B4GALT6: variants seen among roughly 807,000 people sequenced by gnomAD.
The protein encoded by B4GALT6 is beta-1,4-galactosyltransferase 6.
In B4GALT6, 14 loss-of-function variants were observed where a neutral mutation model predicts 46.3. The ratio of observed to expected loss-of-function variants is 0.30; its 90% confidence interval spans 0.20 to 0.47. B4GALT6 has a LOEUF of 0.47. Among genes scored for constraint, B4GALT6 ranks in the 20% least tolerant of loss-of-function variants. The pLI is 0.99. For synonymous variants in B4GALT6, 168 were observed against 162.0 expected (o/e 1.04, Z -0.28); for missense variants, 386 against 480.1 (o/e 0.80, Z 1.83).
At chr18:31,629,571 C>T (rs2073752293) in intron 6 of B4GALT6, among the ~76,000 whole-genome samples, 1 of 141,792 alleles carries the variant, frequency 7.1e-6, no homozygotes, top group Non-Finnish European at 1.5e-5. Flanking sequence ...AGATTGTTGC[C>T]GGGCACGGTG....
rs553240913 is a variant in B4GALT6 at position 31,636,360 on chromosome 18, T to C, written c.588+2284A>G. ...AAGCCATAGACTATATTTGCAAAAC[T>C]TATGTCTTACAAAAGACTTGTATTT... is the stretch of plus-strand genomic sequence containing the variant. On this transcript the variant is annotated intron_variant, in intron 5 of 8. Transcript: ENST00000306851. 3.4e-3 allele frequency among the ~76,000 whole-genome samples: 524 copies of C among 152,328 alleles called. 3 individuals carry two copies. Among genetic ancestry groups the C allele is most frequent in the African/African-American group, 0.012 (498 of 41,584 alleles).
chr18:31,658,323 G>GTTTTTTAATGAT, intron 2 of B4GALT6: 1 of 339,472 alleles, frequency 2.9e-6, no homozygotes, highest in Non-Finnish European at 5.4e-6. Flanking sequence ...CTTGCACACA[G>GTTTTTTAATGAT]ACATGGCAGT....
rs556180841 is a variant in B4GALT6, at chr18:31,640,377, C to T, written c.472-1617G>A. Reference sequence around the variant, plus strand: ...TATTTAACCATGTATTTTACGTTACCAGGATCATAGATGGCAGAAATTTTT... The same window carrying T: ...TATTTAACCATGTATTTTACGTTACTAGGATCATAGATGGCAGAAATTTTT... On this transcript the variant is annotated intron_variant, in intron 4 of 8. Transcript: ENST00000306851. Among the ~76,000 whole-genome samples, 11 of 152,092 alleles carry T rather than the reference C, an allele frequency of 7.2e-5. No homozygotes were observed. The South Asian group carries it at 2.1e-3, about 29-fold the overall frequency.
Position 31,666,288 on chromosome 18 carries a change from T to C in B4GALT6, c.200A>G (p.Tyr67Cys). 1 of 1,607,848 alleles carries C rather than the reference T, an allele frequency of 6.2e-7. No individual in the cohort carries two copies. Among genetic ancestry groups the C allele is most frequent in the Non-Finnish European group, 8.5e-7 (1 of 1,176,472 alleles). The change falls in exon 2 of 9, where the codon TAC becomes TGC. Residue 67 changes from tyrosine (Y) to cysteine (C), a missense_variant. By Grantham distance (194) the Tyr-to-Cys change is radical (BLOSUM62 -2). Transcript: ENST00000306851. ...GTTGAGCGTACTGTTTTTATTTGTG[T>C]ACAGCCTGATCATATGACCTATTGT... ...VKTIGHMIRL[Y>C]TNKNSTLNGT...
At chr18:31,684,100 ACATGCATTAACAAAATG>A (rs1184024162) in intron 1 of B4GALT6, among the ~76,000 whole-genome samples, 195 bp downstream of exon 1, 1 of 152,234 alleles carries the variant, frequency 6.6e-6, no homozygotes, top group African/African-American at 2.4e-5. Flanking sequence ...TTATTAACAA[ACATGCATTAACAAAATG>A]CATGCATTAA....
chr18:31,692,328 C>T, the B4GALT6 span, among the ~76,000 whole-genome samples: 1 of 152,184 alleles, frequency 6.6e-6, no homozygotes, highest in Non-Finnish European at 1.5e-5. Context: ...CCACCAGCAG[C>T]ATTTAAAAGT....
chr18:31,670,742 T>C (rs1213487526), intron 1 of B4GALT6, among the ~76,000 whole-genome samples: 3 of 152,212 alleles, frequency 2.0e-5, no homozygotes, highest in East Asian at 1.9e-4. Context: ...TTAGTAGTAG[T>C]ATAAAATGTA....
intron 5 of B4GALT6, among the ~76,000 whole-genome samples, chr18:31,637,172 G>A (rs965357155): frequency 3.3e-5 from 5 of 152,222 alleles, no homozygotes; most frequent in Non-Finnish European, 7.3e-5. Context: ...CAAAAAGTAA[G>A]TCAAGGTCAT....
chr18:31,692,327 G>T, the B4GALT6 span, among the ~76,000 whole-genome samples: 1 of 152,172 alleles, frequency 6.6e-6, no homozygotes, highest in Non-Finnish European at 1.5e-5. Flanking sequence ...CCCACCAGCA[G>T]CATTTAAAAG....
At chr18:31,646,734 A>G (rs533922911) in intron 3 of B4GALT6, among the ~76,000 whole-genome samples, 1 of 152,320 alleles carries the variant, frequency 6.6e-6, no homozygotes, top group Non-Finnish European at 1.5e-5. Context: ...TCTATATTTT[A>G]GGAGTTTTCA....
chr18:31,713,197 C>T, the B4GALT6 span, among the ~76,000 whole-genome samples: 7 of 151,978 alleles, frequency 4.6e-5, no homozygotes, highest in Non-Finnish European at 1.0e-4. Context: ...TACAAAAACA[C>T]GAAAATTAGC....
chr18:31,722,966 A>AAT, the B4GALT6 span, among the ~76,000 whole-genome samples: 1 of 152,246 alleles, frequency 6.6e-6, no homozygotes, highest in African/African-American at 2.4e-5. Context: ...TGAATTACAT[A>AAT]CTAATCATGA....
intron 3 of B4GALT6, among the ~76,000 whole-genome samples, chr18:31,656,353 T>C (rs1318171875): frequency 6.6e-6 from 1 of 151,982 alleles, no homozygotes; most frequent in Non-Finnish European, 1.5e-5. Flanking sequence ...TTATATCAAA[T>C]CCAAGATACA....
intron 3 of B4GALT6, among the ~76,000 whole-genome samples, chr18:31,657,507 T>C (rs1353278305): frequency 6.6e-6 from 1 of 152,224 alleles, no homozygotes; most frequent in Non-Finnish European, 1.5e-5. Flanking sequence ...AAAACAATTT[T>C]CATAACCGGA....
rs16962297 is a variant in B4GALT6 at position 31,659,571 on chromosome 18, C to T, written c.233-1482G>A. On this transcript the variant is annotated intron_variant, in intron 2 of 8. Transcript: ENST00000306851. ...CCAATTCCAAAGAAGTGCTTGGAAA[C>T]CCCAGTTACAAATTTCACAGGGCAT... Among the ~76,000 whole-genome samples the T allele has an allele frequency of 9.5e-3, 1,451 of 152,246 alleles. 25 individuals are homozygous for T. The highest frequency in any genetic ancestry group is 0.034 in the African/African-American group (1,392 of 41,524).
At chr18:31,680,109 G>A (rs751745436) in intron 1 of B4GALT6, among the ~76,000 whole-genome samples, 4 of 152,202 alleles carry the variant, frequency 2.6e-5, no homozygotes, top group African/African-American at 7.2e-5. Context: ...CAATACCATG[G>A]CCCTCCATGA....
Position 31,627,140 on chromosome 18 carries a change from G to C in B4GALT6, c.777-19C>G. 1 of 1,571,080 alleles carries C rather than the reference G, an allele frequency of 6.4e-7. No homozygotes were observed. Among genetic ancestry groups the C allele is most frequent in the South Asian group, 1.2e-5 (1 of 82,946 alleles). On this transcript the variant is annotated intron_variant, in intron 6 of 8. Coordinates refer to ENST00000306851, the MANE Select transcript of B4GALT6 (RefSeq NM_004775.5). The stretch of plus-strand genomic sequence containing the variant: ...TGGAAGACTAGAAAAGAAAGACACA[G>C]TATTCTAAAAATAAAATCATAATAA...
At chr18:31,724,440 G>A in the B4GALT6 span, 2 of 1,034,166 alleles carry the variant, frequency 1.9e-6, no homozygotes, top group Non-Finnish European at 2.3e-6. Flanking sequence ...CACGCGAATC[G>A]CCGCCATGAG....
chr18:31,685,581 C>G (rs1001971129), upstream of B4GALT6: 30 of 152,426 alleles, frequency 2.0e-4, no homozygotes, highest in East Asian at 5.9e-3. Context: ...TCCCCGCGCC[C>G]GCCGCACCGG....
Sources: allele counts gnomAD v4.1 joint callset (sites outside exome capture counted in the v4.1 genomes callset), GRCh38; gene constraint gnomAD v4.1.1; transcripts MANE v1.5; gene names NCBI Gene and HGNC (gene_info 2026-07-23, HGNC 2026-07-21).